MAGI2: variants seen among roughly 807,000 people sequenced by gnomAD.
MAGI2 encodes membrane-associated guanylate kinase, WW and PDZ domain-containing protein 2.
MAGI2 carries 35 observed loss-of-function variants against 133.3 expected under a neutral mutation model. The observed-to-expected ratio is 0.26, with a 90% CI of 0.20 to 0.35. MAGI2 has a LOEUF of 0.35. Ranked by LOEUF, MAGI2 falls within the 10% of genes least tolerant of loss-of-function variation. The pLI is 1.00. For synonymous variants in MAGI2, 729 were observed against 710.6 expected (o/e 1.03, Z -0.41); for missense variants, 1,636 against 1,863.4 (o/e 0.88, Z 2.25).
intron 2 of MAGI2, among the ~76,000 whole-genome samples, chr7:78,765,203 G>T (rs1265023238): frequency 6.6e-6 from 1 of 152,128 alleles, no homozygotes; most frequent in East Asian, 1.9e-4. Context: ...CCACCTATTA[G>T]GTTTCCAAAC....
rs983580542 is a variant in MAGI2, at chr7:78,322,185, T to C, written c.1408+21593A>G. ...GTAGGAGTGTAAATTAGTTCAACCATTGTGGAAGACAGTGTGGCGATTCCT... is the reference window on the plus strand; with the variant it reads ...GTAGGAGTGTAAATTAGTTCAACCACTGTGGAAGACAGTGTGGCGATTCCT... On this transcript the variant is annotated intron_variant, in intron 9 of 21. Coordinates refer to ENST00000354212, the MANE Select transcript of MAGI2 (RefSeq NM_012301.4). 1.1e-4 allele frequency among the ~76,000 whole-genome samples: 16 copies of C among 152,246 alleles called. 1 individual carries two copies. In the East Asian group the frequency reaches 2.7e-3, roughly 26 times the overall value.
At chr7:79,018,504 A>G (rs1190293923) in intron 1 of MAGI2, among the ~76,000 whole-genome samples, 3 of 152,212 alleles carry the variant, frequency 2.0e-5, no homozygotes, top group Non-Finnish European at 2.9e-5. Context: ...CTGCATAATT[A>G]CGAGCTAACA....
chr7:79,374,719 A>G (rs1014167789), intron 1 of MAGI2, among the ~76,000 whole-genome samples: 4 of 152,066 alleles, frequency 2.6e-5, no homozygotes, highest in African/African-American at 4.8e-5. Context: ...TATTACCTGT[A>G]TATTTACAAA....
intron 2 of MAGI2, among the ~76,000 whole-genome samples, chr7:78,843,602 T>C (rs1023646651): frequency 6.6e-6 from 1 of 151,958 alleles, no homozygotes; most frequent in Non-Finnish European, 1.5e-5. Flanking sequence ...ATTTATAAAA[T>C]TGGGAAAATG....
chr7:78,923,138 T>C lies in MAGI2; in HGVS notation c.418+83952A>G, dbSNP rs1215427177. Reference sequence around the variant, plus strand: ...GTTGCAAAAATTTTCTCTCATTTTGTAGGTTGCCTGTTCACACTGATGGTA... The same window carrying C: ...GTTGCAAAAATTTTCTCTCATTTTGCAGGTTGCCTGTTCACACTGATGGTA... On this transcript the variant is annotated intron_variant, in intron 2 of 21. Coordinates refer to ENST00000354212, the MANE Select transcript of MAGI2 (RefSeq NM_012301.4). 3.9e-5 allele frequency among the ~76,000 whole-genome samples: 6 copies of C among 152,338 alleles called. No individual in the cohort carries two copies. The East Asian group carries it at 1.2e-3, about 29-fold the overall frequency.
intron 3 of MAGI2, among the ~76,000 whole-genome samples, chr7:78,595,391 A>G (rs1804488581): frequency 6.6e-6 from 1 of 152,202 alleles, no homozygotes; most frequent in Non-Finnish European, 1.5e-5. Context: ...TTCTGAAATT[A>G]TCTTTCTTTT....
intron 10 of MAGI2, among the ~76,000 whole-genome samples, chr7:78,231,361 G>A (rs1344671110): frequency 6.6e-6 from 1 of 152,212 alleles, no homozygotes; most frequent in East Asian, 1.9e-4. Context: ...TTTTGGGATT[G>A]CGTGCCTGTT....
At chr7:78,645,978 A>G (rs1350596262) in intron 2 of MAGI2, among the ~76,000 whole-genome samples, 4 of 152,162 alleles carry the variant, frequency 2.6e-5, no homozygotes. Context: ...ACCTCAAGTG[A>G]GTTGCCCGCC....
intron 9 of MAGI2, among the ~76,000 whole-genome samples, chr7:78,279,159 A>C (rs1254982477): frequency 6.6e-6 from 1 of 152,160 alleles, no homozygotes; most frequent in Non-Finnish European, 1.5e-5. Flanking sequence ...GAATGGGATC[A>C]GATTCTTTGG....
At chr7:78,106,798 A>T (rs906495309) in intron 20 of MAGI2, among the ~76,000 whole-genome samples, 1 of 152,052 alleles carries the variant, frequency 6.6e-6, no homozygotes, top group Non-Finnish European at 1.5e-5. Flanking sequence ...ATTTTCTCCC[A>T]TTCTGTGGGT....
intron 9 of MAGI2, among the ~76,000 whole-genome samples, chr7:78,277,229 A>G (rs1466325566): frequency 6.6e-6 from 1 of 152,188 alleles, no homozygotes; most frequent in Non-Finnish European, 1.5e-5. Context: ...GTAAACTATG[A>G]TTTAGCAAGG....
chr7:78,136,787 T>C (rs1446116616), intron 16 of MAGI2, among the ~76,000 whole-genome samples: 3 of 152,232 alleles, frequency 2.0e-5, no homozygotes, highest in Non-Finnish European at 4.4e-5. Context: ...ATCTTGCACA[T>C]GCTTTACAGC....
intron 1 of MAGI2, among the ~76,000 whole-genome samples, chr7:79,399,668 G>A (rs1193451951): frequency 6.6e-6 from 1 of 152,150 alleles, no homozygotes; most frequent in African/African-American, 2.4e-5. Flanking sequence ...TCTAGTTTAA[G>A]AACTCTGAAT....
At chr7:79,135,959 GAA>G (rs1267947438) in intron 1 of MAGI2, among the ~76,000 whole-genome samples, 1 of 22,818 alleles carries the variant, frequency 4.4e-5, no homozygotes, top group Non-Finnish European at 3.1e-4. Context: ...AAGAAAGAAA[GAA>G]AGAAAGAAAG....
At chr7:78,211,762 C>T (rs1348764451) in intron 10 of MAGI2, among the ~76,000 whole-genome samples, 1 of 152,244 alleles carries the variant, frequency 6.6e-6, no homozygotes, top group Non-Finnish European at 1.5e-5. Flanking sequence ...TTTATTGCCA[C>T]AACAGATGCA....
At chr7:79,106,447 T>C (rs1051557909) in intron 1 of MAGI2, among the ~76,000 whole-genome samples, 1 of 152,186 alleles carries the variant, frequency 6.6e-6, no homozygotes, top group African/African-American at 2.4e-5. Flanking sequence ...AAGGGTAAAT[T>C]TTATATAAAT....
chr7:79,433,472 G>A (rs559402395), intron 1 of MAGI2, among the ~76,000 whole-genome samples: 1 of 152,072 alleles, frequency 6.6e-6, no homozygotes, highest in Non-Finnish European at 1.5e-5. Flanking sequence ...AGAATGGCGT[G>A]CACCCGGGAG....
At position 79,187,506 on chromosome 7, in the gene MAGI2, T is replaced by C. The variant is rs373294003; in HGVS notation, c.302-180300A>G. ...AATCACCAAGGAACTTCATCATATG[T>C]ACATAGAATTCAGAGAAATGTCTCT... On this transcript the variant is annotated intron_variant, in intron 1 of 21. Transcript: ENST00000354212. Among the ~76,000 whole-genome samples the C allele has an allele frequency of 3.4e-3, 522 of 151,956 alleles. 9 individuals are homozygous for C. The highest frequency in any genetic ancestry group is 0.012 in the African/African-American group (506 of 41,410).
chr7:79,121,350 T>A (rs971955466), intron 1 of MAGI2, among the ~76,000 whole-genome samples: 3 of 152,318 alleles, frequency 2.0e-5, no homozygotes, highest in Non-Finnish European at 2.9e-5. Flanking sequence ...TATGCTTTAC[T>A]TGGTTCTACA....
Sources: allele counts gnomAD v4.1 joint callset (sites outside exome capture counted in the v4.1 genomes callset), GRCh38; gene constraint gnomAD v4.1.1; transcripts MANE v1.5; gene names NCBI Gene and HGNC (gene_info 2026-07-23, HGNC 2026-07-21).